The following JPH2 variants were observed in gnomAD, a reference collection of about 807,000 sequenced individuals.
JPH2 encodes the protein junctophilin 2.
JPH2 carries 38 observed loss-of-function variants against 55.9 expected under a neutral mutation model. The ratio of observed to expected loss-of-function variants is 0.68; its 90% CI spans 0.52 to 0.89. JPH2 has a LOEUF of 0.89. Ranked by LOEUF, JPH2 falls within the 40% of genes least tolerant of loss-of-function variation. The pLI is 0.00. For synonymous variants in JPH2, 480 were observed against 472.4 expected (o/e 1.02, Z -0.21); for missense variants, 964 against 1,037.6 (o/e 0.93, Z 0.97).
At chr20:44,162,108 G>A (rs917369837) in intron 1 of JPH2, among the ~76,000 whole-genome samples, 1 of 152,094 alleles carries the variant, frequency 6.6e-6, no homozygotes, top group East Asian at 2.0e-4. Context: ...AACGTTCACT[G>A]CACCGAAGGC....
intron 2 of JPH2, among the ~76,000 whole-genome samples, chr20:44,136,834 C>T (rs1024737157): frequency 6.6e-6 from 1 of 152,286 alleles, no homozygotes; most frequent in African/African-American, 2.4e-5. Context: ...ATACTAGTAG[C>T]TACTTCTTGT....
At chr20:44,177,517 T>C in intron 1 of JPH2, 3 of 1,040,786 alleles carry the variant, frequency 2.9e-6, no homozygotes, top group Non-Finnish European at 3.5e-6. Flanking sequence ...TTTTCTGTTC[T>C]GCTAAGGGTC....
chr20:44,112,598 T>C lies in JPH2; in HGVS notation c.*920A>G, dbSNP rs2072153748. ...TGGGCTTCTGTGCTCCCCTGAGCTT[T>C]CGGTGGGCCCTGATGGGGGAGGAGA... On this transcript the variant is annotated 3_prime_UTR_variant, in exon 6 of 6. Transcript: ENST00000372980. The C allele has an allele frequency of 6.6e-6, 1 of 152,200 alleles. No individual in the cohort carries two copies. Among genetic ancestry groups the C allele is most frequent in the Non-Finnish European group, 1.5e-5 (1 of 68,074 alleles). The allele number at this position is 152,200 out of a possible 1,614,324, so 9.4% of individuals were successfully genotyped here.
At chr20:44,155,864 C>CA (rs2072562058) in intron 2 of JPH2, among the ~76,000 whole-genome samples, 1 of 152,062 alleles carries the variant, frequency 6.6e-6, no homozygotes, top group African/African-American at 2.4e-5. Context: ...GGCAAAACCC[C>CA]ATCTCTATTA....
chr20:44,117,459 T>C (rs1316327225), intron 3 of JPH2, among the ~76,000 whole-genome samples: 3 of 152,368 alleles, frequency 2.0e-5, no homozygotes, highest in South Asian at 2.1e-4. Context: ...CATGCTGCTC[T>C]GTCCGAGTTT....
chr20:44,174,231 C>A (rs1303994521), intron 1 of JPH2, among the ~76,000 whole-genome samples: 2 of 152,176 alleles, frequency 1.3e-5, no homozygotes, highest in African/African-American at 2.4e-5. Context: ...GGCCACACAG[C>A]CCAGGAGTAG....
chr20:44,113,979 G>A (rs1326417586), intron 5 of JPH2, among the ~76,000 whole-genome samples: 1 of 152,190 alleles, frequency 6.6e-6, no homozygotes, highest in Non-Finnish European at 1.5e-5. Flanking sequence ...AGAACCTCCA[G>A]CCCAAACTAA....
At chr20:44,116,520 C>A in intron 3 of JPH2, 134 bp from the exon 4 acceptor site, 1 of 997,566 alleles carries the variant, frequency 1.0e-6, no homozygotes, top group African/African-American at 1.6e-5. Flanking sequence ...AAGTGCCAGG[C>A]ACTGTTCCAA....
intron 4 of JPH2, 101 bp from the exon 5 acceptor site, chr20:44,114,977 AC>A: frequency 1.1e-6 from 1 of 877,320 alleles, no homozygotes; most frequent in Middle Eastern, 2.1e-4. Flanking sequence ...TTCTGGATGG[AC>A]CTTCCTAAGA....
At chr20:44,154,652 AGCCCGG>A (rs2072552693) in intron 2 of JPH2, among the ~76,000 whole-genome samples, 1 of 152,160 alleles carries the variant, frequency 6.6e-6, no homozygotes, top group South Asian at 2.1e-4. Flanking sequence ...ATGGAGAGAA[AGCCCGG>A]GCCTGCCTGG....
rs771506154 is a variant in JPH2 at position 44,108,965 on chromosome 20, A to G, written c.*4553T>C. Among the ~76,000 whole-genome samples the G allele has an allele frequency of 6.6e-6, 1 of 152,210 alleles. No homozygotes were observed. Among genetic ancestry groups the G allele is most frequent in the African/African-American group, 2.4e-5 (1 of 41,448 alleles). On this transcript the variant is annotated 3_prime_UTR_variant, in exon 6 of 6. Coordinates refer to ENST00000372980, the MANE Select transcript of JPH2 (RefSeq NM_020433.5). ...AGGAGTTATTTCCTCAAGCTTCTTC[A>G]GAGAAGAAGGAAACTTCCTTCCCTG... is the stretch of plus-strand genomic sequence containing the variant.
intron 2 of JPH2, among the ~76,000 whole-genome samples, chr20:44,137,679 G>C (rs2072424058): frequency 6.6e-6 from 1 of 152,222 alleles, no homozygotes; most frequent in Admixed American, 6.5e-5. Flanking sequence ...CCAGAGATCG[G>C]ATTCGGCCCC....
intron 3 of JPH2, among the ~76,000 whole-genome samples, chr20:44,117,116 T>C (rs1294594313): frequency 6.6e-6 from 1 of 151,948 alleles, no homozygotes; most frequent in Non-Finnish European, 1.5e-5. Context: ...CTGTCTCTAC[T>C]AAAAATACAA....
rs1387562550 is a variant in JPH2, at chr20:44,112,976, A to C, written c.*542T>G. 6.6e-6 allele frequency: 1 copy of C among 152,336 alleles called. No individual in the cohort carries two copies. The highest frequency in any genetic ancestry group is 1.5e-5 in the Non-Finnish European group (1 of 68,190). The allele number at this position is 152,336 out of a possible 1,614,324, so 9.4% of individuals were successfully genotyped here. ...CAGAACATCTACAGGCAAGGGAGGG[A>C]GTGCAGGGTGCAGACTGCACAAGGA... is the stretch of plus-strand genomic sequence containing the variant. On this transcript the variant is annotated 3_prime_UTR_variant, in exon 6 of 6. Transcript: ENST00000372980.
chr20:44,182,892 C>CATGA (rs538621392), intron 1 of JPH2, among the ~76,000 whole-genome samples: 17 of 152,156 alleles, frequency 1.1e-4, no homozygotes, highest in Non-Finnish European at 2.2e-4. Flanking sequence ...GTACTGGTTG[C>CATGA]ATGAATGAAT....
In JPH2 at chr20:44,159,628, C is replaced by T. The variant is rs1600857248; in HGVS notation, c.1159G>A (p.Ala387Thr). The T allele has an allele frequency of 6.2e-7, 1 of 1,602,788 alleles. No homozygotes were observed. The highest frequency in any genetic ancestry group is 1.1e-5 in the South Asian group (1 of 90,810). ...AAIARQKAEI[A>T]ASRTSHAKAK... The stretch of plus-strand genomic sequence containing the variant: ...CCACCGCTGTCCTACCTGGAGGCGG[C>T]AATCTCGGCCTTCTGGCGCGCGATA... The change falls in exon 2 of 6, where the codon GCC (alanine) becomes ACC (threonine). Residue 387 changes from alanine to threonine, a missense_variant. By Grantham distance (58) the Ala-to-Thr change is moderately conservative. Coordinates refer to ENST00000372980, the MANE Select transcript of JPH2 (RefSeq NM_020433.5). This position sits in a 1 kb window ranked among gnomAD's most constrained non-coding sequence, Gnocchi z 5.7.
rs387906897 is a variant in JPH2 at position 44,160,366 on chromosome 20, A to G, written c.421T>C (p.Tyr141His). 19 of 1,605,632 alleles carry G rather than the reference A, an allele frequency of 1.2e-5. No homozygotes were observed. The highest frequency in any genetic ancestry group is 1.5e-5 in the Non-Finnish European group (18 of 1,176,846). ...GQFTNGMRHG[Y>H]GVRQSVPYGM... is the part of the protein sequence containing the mutation. ...TAGGGCACGCTCTGGCGTACTCCGT[A>G]GCCATGGCGCATGCCGTTGGTGAAC... The change falls in exon 2 of 6, where the codon TAC (tyrosine) becomes CAC (histidine). Residue 141 changes from tyrosine to histidine, a missense_variant. By Grantham distance (83) the Tyr-to-His change is moderately conservative. Coordinates refer to ENST00000372980, the MANE Select transcript of JPH2 (RefSeq NM_020433.5). The surrounding 1 kb of genome is among the most constrained non-coding windows in gnomAD (Gnocchi z 4.9).
At position 44,160,207 on chromosome 20, in the gene JPH2, C is replaced by A. The variant is rs914203878; in HGVS notation, c.580G>T (p.Ala194Ser). The A allele has an allele frequency of 7.1e-7, 1 of 1,408,378 alleles. No homozygotes were observed. Among genetic ancestry groups the A allele is most frequent in the Admixed American group, 3.3e-5 (1 of 30,182 alleles). 87.2% of individuals were successfully genotyped at this position (1,408,378 alleles called of 1,614,324 possible). A position where few individuals can be genotyped will look rare whatever the true frequency, so the allele number is the denominator to read the frequency against. ...AGCGCGAAGCCGCCACGCGGGATGG[C>A]GGGCGAGGGCAGCGCGGGGCCGTCG... The part of the protein sequence containing the change: ...ASDGPALPSP[A>S]IPRGGFALSL... The change falls in exon 2 of 6, where the codon GCC becomes TCC. Residue 194 changes from alanine to serine, a missense_variant. By Grantham distance (99) the Ala-to-Ser change is moderately conservative. Transcript: ENST00000372980. The surrounding 1 kb of genome is among the most constrained non-coding windows in gnomAD (Gnocchi z 4.9).
intron 2 of JPH2, among the ~76,000 whole-genome samples, chr20:44,125,262 A>C (rs2072267593): frequency 6.6e-6 from 1 of 152,186 alleles, no homozygotes; most frequent in African/African-American, 2.4e-5. Context: ...CATATGACCT[A>C]CAAACACCAC....
Sources: allele counts gnomAD v4.1 joint callset (sites outside exome capture counted in the v4.1 genomes callset), GRCh38; gene constraint gnomAD v4.1.1; non-coding constraint Gnocchi (gnomAD v3.1); transcripts MANE v1.5; gene names NCBI Gene and HGNC (gene_info 2026-07-23, HGNC 2026-07-21).